Variants in KCNIP1 observed in about 807,000 individuals in gnomAD.
KCNIP1 encodes potassium voltage-gated channel interacting protein 1.
A neutral mutation model predicts 33.0 loss-of-function variants in KCNIP1; 18 were observed. That is an observed-to-expected ratio of 0.55 (90% CI 0.38 to 0.81). The LOEUF is 0.81. Among genes scored for constraint, KCNIP1 ranks in the 30% least tolerant of loss-of-function variants. The probability of loss-of-function intolerance (pLI) is 0.00; values close to 1 mark genes in which losing one functional copy is unlikely to be tolerated. For missense variants in KCNIP1, 238 were observed against 271.6 expected (o/e 0.88, Z 0.87); for synonymous variants, 93 against 98.3 (o/e 0.95, Z 0.32).
At chr5:170,378,540 A>G (rs1194558280) in intron 1 of KCNIP1, 2 of 812,480 alleles carry the variant, frequency 2.5e-6, no homozygotes, top group African/African-American at 1.7e-5. Flanking sequence ...TGACTTCACA[A>G]AAGGATTTCT....
chr5:170,561,952 A>C (rs940787850), intron 1 of KCNIP1, among the ~76,000 whole-genome samples: 3 of 152,198 alleles, frequency 2.0e-5, no homozygotes, highest in South Asian at 2.1e-4. Flanking sequence ...AAAGTCAATA[A>C]ATTGTAAATT....
At chr5:170,379,043 G>A (rs1764130060) in intron 1 of KCNIP1, 4 of 1,546,082 alleles carry the variant, frequency 2.6e-6, no homozygotes, top group Non-Finnish European at 3.5e-6. Flanking sequence ...TTGATATGGA[G>A]TAAAGAAAAA....
At chr5:170,490,439 T>C (rs1414115107) in intron 1 of KCNIP1, among the ~76,000 whole-genome samples, 1 of 152,180 alleles carries the variant, frequency 6.6e-6, no homozygotes, top group East Asian at 1.9e-4. Flanking sequence ...CACAAATCTA[T>C]GTGTGTGATA....
chr5:170,448,469 G>C (rs1265995613), intron 1 of KCNIP1, among the ~76,000 whole-genome samples: 1 of 152,258 alleles, frequency 6.6e-6, no homozygotes, highest in South Asian at 2.1e-4. Flanking sequence ...GGGGCTTGGA[G>C]GAGTGGCTGC....
chr5:170,653,983 C>G (rs950883775), intron 1 of KCNIP1, among the ~76,000 whole-genome samples: 1 of 152,094 alleles, frequency 6.6e-6, no homozygotes, highest in Non-Finnish European at 1.5e-5. Context: ...CACAGTGGTC[C>G]CCTTCATCTG....
intron 1 of KCNIP1, among the ~76,000 whole-genome samples, chr5:170,397,890 G>A (rs1389818632): frequency 6.6e-6 from 1 of 152,164 alleles, no homozygotes; most frequent in Non-Finnish European, 1.5e-5. Context: ...ACTTGAAGAG[G>A]GGGCTGCCAG....
chr5:170,438,395 C>CTAGG, intron 1 of KCNIP1, among the ~76,000 whole-genome samples: 1 of 152,200 alleles, frequency 6.6e-6, no homozygotes, highest in Non-Finnish European at 1.5e-5. Flanking sequence ...AGGAGGGTCT[C>CTAGG]CTGTCCTAGG....
At chr5:170,559,165 A>G (rs1756945370) in intron 1 of KCNIP1, among the ~76,000 whole-genome samples, 1 of 152,196 alleles carries the variant, frequency 6.6e-6, no homozygotes, top group African/African-American at 2.4e-5. Context: ...GACTGAATTA[A>G]TTCCTCTGTC....
chr5:170,693,623 C>T (rs771976207), intron 1 of KCNIP1, among the ~76,000 whole-genome samples: 8 of 152,280 alleles, frequency 5.3e-5, no homozygotes, highest in East Asian at 1.9e-4. Flanking sequence ...CACCTGAGCA[C>T]GGAAGACCCT....
At chr5:170,479,998 A>G (rs182014308) in intron 1 of KCNIP1, among the ~76,000 whole-genome samples, 6 of 152,334 alleles carry the variant, frequency 3.9e-5, no homozygotes, top group African/African-American at 7.2e-5. Context: ...AAATAAAACC[A>G]TAAGTTTAAT....
At chr5:170,685,646 G>C (rs1762513986) in intron 1 of KCNIP1, among the ~76,000 whole-genome samples, 1 of 151,764 alleles carries the variant, frequency 6.6e-6, no homozygotes, top group African/African-American at 2.4e-5. Flanking sequence ...GTGCCACCGT[G>C]CCTGGCTAAT....
intron 1 of KCNIP1, among the ~76,000 whole-genome samples, chr5:170,395,903 A>G (rs557524450): frequency 1.5e-4 from 23 of 152,338 alleles, no homozygotes; most frequent in African/African-American, 4.8e-4. Flanking sequence ...TAGCTGCAGC[A>G]AAGGTAGACT....
chr5:170,605,030 A>G (rs1758850076), intron 1 of KCNIP1, among the ~76,000 whole-genome samples: 1 of 152,188 alleles, frequency 6.6e-6, no homozygotes, highest in Non-Finnish European at 1.5e-5. Flanking sequence ...AACCTGCAGG[A>G]GAGTGTGGCA....
intron 1 of KCNIP1, among the ~76,000 whole-genome samples, chr5:170,696,723 C>A (rs1160874845): frequency 6.6e-6 from 1 of 152,106 alleles, no homozygotes; most frequent in East Asian, 1.9e-4. Flanking sequence ...ACCAGGAAGT[C>A]ATGTTGGGGG....
rs145263794 is a variant in KCNIP1, at chr5:170,587,965, CAG to C, written c.61+83339_61+83340del. Among the ~76,000 whole-genome samples, 1,384 of 152,308 alleles carry C rather than the reference CAG, an allele frequency of 9.1e-3. 21 individuals are homozygous for C. Among genetic ancestry groups the C allele is most frequent in the African/African-American group, 0.03 (1,267 of 41,556 alleles). On this transcript the variant is annotated intron_variant, in intron 1 of 7. Coordinates refer to ENST00000328939, the MANE Select transcript of KCNIP1 (RefSeq NM_014592.4). ...ACAGTAGAGGCCATGGATATTCATT[CAG>C]AGAGAGCATGCACTGAGGCAAGCCT...
intron 1 of KCNIP1, among the ~76,000 whole-genome samples, chr5:170,586,680 A>G (rs1758002024): frequency 1.3e-5 from 2 of 152,202 alleles, no homozygotes; most frequent in South Asian, 4.1e-4. Context: ...TTAGCACAGT[A>G]CTTGGCCTAG....
At chr5:170,396,469 T>C (rs1174729994) in intron 1 of KCNIP1, among the ~76,000 whole-genome samples, 1 of 152,218 alleles carries the variant, frequency 6.6e-6, no homozygotes. Flanking sequence ...TCCATGGTGG[T>C]TGAATTACAG....
At chr5:170,533,356 A>G (rs1412347058) in intron 1 of KCNIP1, among the ~76,000 whole-genome samples, 1 of 152,184 alleles carries the variant, frequency 6.6e-6, no homozygotes, top group African/African-American at 2.4e-5. Context: ...GATTCGCGGC[A>G]TTGTTGTTGC....
At chr5:170,539,488 G>A (rs182393373) in intron 1 of KCNIP1, among the ~76,000 whole-genome samples, 2 of 152,214 alleles carry the variant, frequency 1.3e-5, no homozygotes, top group Admixed American at 6.5e-5. Flanking sequence ...TTGGGCATCC[G>A]GATCTCAGCA....
Sources: allele counts gnomAD v4.1 joint callset (sites outside exome capture counted in the v4.1 genomes callset), GRCh38; gene constraint gnomAD v4.1.1; transcripts MANE v1.5; gene names NCBI Gene and HGNC (gene_info 2026-07-23, HGNC 2026-07-21).